The following MTHFD2L variants were observed in gnomAD, a reference collection of about 807,000 sequenced individuals.
MTHFD2L encodes methylenetetrahydrofolate dehydrogenase (NADP+ dependent) 2 like.
In MTHFD2L, 29 loss-of-function variants were observed where a neutral mutation model predicts 34.9. The observed-to-expected ratio is 0.83, with a 90% CI of 0.62 to 1.13. The LOEUF (loss-of-function observed/expected upper bound fraction) is 1.13. Ranked by LOEUF, MTHFD2L falls within the 50% of genes most tolerant of loss-of-function variation. The pLI, the probability that MTHFD2L is intolerant of heterozygous loss-of-function variation, is 0.00. For missense variants in MTHFD2L, 481 were observed against 446.5 expected, an observed-to-expected ratio of 1.08 and a Z score of -0.70; for synonymous variants, 167 against 155.7, an observed-to-expected ratio of 1.07 and a Z score of -0.54.
Position 74,176,804 on chromosome 4 carries a change from A to G in MTHFD2L, c.451+1401A>G, listed in dbSNP as rs1234152625. 2.6e-5 allele frequency among the ~76,000 whole-genome samples: 4 copies of G among 152,050 alleles called. No homozygotes were observed. The East Asian group carries it at 7.7e-4, about 29-fold the overall frequency. On this transcript the variant is annotated intron_variant, in intron 3 of 7. Coordinates refer to ENST00000325278, the MANE Select transcript of MTHFD2L (RefSeq NM_001144978.3). ...GGACTGCAGGTATAGTATAGGTTAC[A>G]GTAGCTTTGTAGTTTTGAGTTCTGT... is the stretch of plus-strand genomic sequence containing the variant.
At chr4:74,236,892 A>G (rs988261575) in intron 6 of MTHFD2L, among the ~76,000 whole-genome samples, 3 of 152,108 alleles carry the variant, frequency 2.0e-5, no homozygotes, top group African/African-American at 7.2e-5. Context: ...CAGTGGATTT[A>G]TCTCTTTTTA....
chr4:74,271,330 C>A (rs940378767), intron 6 of MTHFD2L, among the ~76,000 whole-genome samples: 27 of 152,146 alleles, frequency 1.8e-4, no homozygotes, highest in Non-Finnish European at 3.1e-4. Flanking sequence ...TTTAATCCAT[C>A]TTGAATTAAT....
intron 1 of MTHFD2L, among the ~76,000 whole-genome samples, chr4:74,145,164 GAA>G (rs1261141228): frequency 7.3e-6 from 1 of 137,494 alleles, no homozygotes. Context: ...TTCCATATTT[GAA>G]AAAAAAAAAA....
Position 74,226,535 on chromosome 4 carries a change from A to G in MTHFD2L, c.805+1141A>G, listed in dbSNP as rs781617767. On this transcript the variant is annotated intron_variant, in intron 6 of 7. Coordinates refer to ENST00000325278, the MANE Select transcript of MTHFD2L (RefSeq NM_001144978.3). ...ATTTGTTTGTGTTTTCCTACAGGGTAAGTTAACAAGAAAGATATTTTAGAA... is the reference window on the plus strand; with the variant it reads ...ATTTGTTTGTGTTTTCCTACAGGGTGAGTTAACAAGAAAGATATTTTAGAA... 1.6e-4 allele frequency among the ~76,000 whole-genome samples: 24 copies of G among 152,178 alleles called. 1 individual carries two copies. The highest frequency in any genetic ancestry group is 2.9e-5 in the Non-Finnish European group (2 of 68,012).
intron 7 of MTHFD2L, among the ~76,000 whole-genome samples, chr4:74,295,335 T>C (rs912065520): frequency 6.6e-6 from 1 of 152,134 alleles, no homozygotes; most frequent in African/African-American, 2.4e-5. Context: ...GCTTTCTCTT[T>C]CCCTTTCTTC....
chr4:74,147,034 T>C (rs532630837), intron 1 of MTHFD2L, among the ~76,000 whole-genome samples: 2 of 152,270 alleles, frequency 1.3e-5, no homozygotes, highest in South Asian at 4.1e-4. Context: ...CTGAATTGCT[T>C]TTCTGTGCTA....
intron 1 of MTHFD2L, chr4:74,143,484 C>T (rs1015824114): frequency 1.0e-6 from 1 of 977,710 alleles, no homozygotes; most frequent in African/African-American, 1.8e-5. Flanking sequence ...GGAACTGTCT[C>T]AGGGGCCATG....
intron 1 of MTHFD2L, among the ~76,000 whole-genome samples, chr4:74,126,438 G>T (rs1034499433): frequency 2.0e-5 from 3 of 152,046 alleles, no homozygotes; most frequent in Non-Finnish European, 2.9e-5. Flanking sequence ...TGTGGGGAGG[G>T]ATGTTTACTC....
chr4:74,203,248 A>T (rs1472183278), intron 5 of MTHFD2L, among the ~76,000 whole-genome samples: 1 of 151,154 alleles, frequency 6.6e-6, no homozygotes, highest in Non-Finnish European at 1.5e-5. Flanking sequence ...CAGTGGTATG[A>T]CAGTTTTCAT....
intron 3 of MTHFD2L, among the ~76,000 whole-genome samples, chr4:74,189,485 C>CTTTTTTTTTTTTT (rs55665552): frequency 8.3e-6 from 1 of 119,822 alleles, no homozygotes; most frequent in East Asian, 2.4e-4. Context: ...GTTTTTCTTC[C>CTTTTTTTTTTTTT]TTTTTTTTTT....
At chr4:74,160,112 T>C in intron 1 of MTHFD2L, 1 of 1,287,988 alleles carries the variant, frequency 7.8e-7, no homozygotes, top group South Asian at 1.2e-5. Context: ...GCCTCCCCAC[T>C]TGTCCCCATC....
rs547562513 is a variant in MTHFD2L, at chr4:74,227,839, G to C, written c.805+2445G>C. ...AGTTGTGTCAAAAACTGACTTTAGA[G>C]GTGTAAAAGTAGAAACAGAGAGGAG... On this transcript the variant is annotated intron_variant, in intron 6 of 7. Coordinates refer to ENST00000325278, the MANE Select transcript of MTHFD2L (RefSeq NM_001144978.3). Among the ~76,000 whole-genome samples, 8 of 152,220 alleles carry C rather than the reference G, an allele frequency of 5.3e-5. No individual in the cohort carries two copies. The South Asian group carries it at 1.7e-3, about 32-fold the overall frequency.
chr4:74,269,982 A>G (rs1745750025), intron 6 of MTHFD2L, among the ~76,000 whole-genome samples: 1 of 152,170 alleles, frequency 6.6e-6, no homozygotes, highest in South Asian at 2.1e-4. Context: ...CAAAGATAAA[A>G]TAGAATTCAA....
At chr4:74,255,403 AT>A (rs1239085080) in intron 6 of MTHFD2L, among the ~76,000 whole-genome samples, 3 of 152,182 alleles carry the variant, frequency 2.0e-5, no homozygotes, top group Non-Finnish European at 4.4e-5. Context: ...AATACTACAA[AT>A]ATCATTAGTC....
chr4:74,179,399 C>T (rs1009164431), intron 3 of MTHFD2L, among the ~76,000 whole-genome samples: 3 of 151,880 alleles, frequency 2.0e-5, no homozygotes, highest in Non-Finnish European at 4.4e-5. Context: ...TATTTTTATT[C>T]ATAATTTCTT....
intron 1 of MTHFD2L, among the ~76,000 whole-genome samples, chr4:74,166,423 A>T (rs1193508370): frequency 6.6e-6 from 1 of 152,158 alleles, no homozygotes; most frequent in Non-Finnish European, 1.5e-5. Context: ...AATTAAAATT[A>T]CTTGTGCATT....
intron 1 of MTHFD2L, among the ~76,000 whole-genome samples, chr4:74,171,356 C>T (rs1416566694): frequency 6.6e-6 from 1 of 152,076 alleles, no homozygotes; most frequent in Admixed American, 6.5e-5. Flanking sequence ...GAAGTGATGA[C>T]AAGTATATGG....
intron 1 of MTHFD2L, among the ~76,000 whole-genome samples, chr4:74,137,978 A>AG (rs1233614232): frequency 6.6e-6 from 1 of 152,154 alleles, no homozygotes; most frequent in Middle Eastern, 3.4e-3. Context: ...GAAATAAGAG[A>AG]GGGGGGAAAA....
chr4:74,124,871 A>G, upstream of MTHFD2L, among the ~76,000 whole-genome samples: 1 of 152,118 alleles, frequency 6.6e-6, no homozygotes, highest in Admixed American at 6.6e-5. Flanking sequence ...TACTTTCAAA[A>G]GTTCTTAGTT....
Sources: allele counts gnomAD v4.1 joint callset (sites outside exome capture counted in the v4.1 genomes callset), GRCh38; gene constraint gnomAD v4.1.1; transcripts MANE v1.5; gene names NCBI Gene and HGNC (gene_info 2026-07-23, HGNC 2026-07-21).